Variants in MAP4K3 observed in about 807,000 individuals in gnomAD.
The protein encoded by MAP4K3 is mitogen-activated protein kinase kinase kinase kinase 3, also known as MAPK/ERK kinase kinase kinase 3.
In MAP4K3, 94 loss-of-function variants were observed where a neutral mutation model predicts 143.5. That is an observed-to-expected ratio of 0.65 (90% CI 0.55 to 0.78). The LOEUF (loss-of-function observed/expected upper bound fraction) is 0.78, where lower values mean the gene tolerates loss of function less well. Ranked by LOEUF, MAP4K3 falls within the 30% of genes least tolerant of loss-of-function variation. The pLI is 0.00. For missense variants in MAP4K3, 1,077 were observed against 1,068.1 expected, an observed-to-expected ratio of 1.01 and a Z score of -0.12; for synonymous variants, 416 against 347.2, an observed-to-expected ratio of 1.20 and a Z score of -2.20.
chr2:39,335,198 T>C (rs1047828072), intron 6 of MAP4K3, among the ~76,000 whole-genome samples: 2 of 152,144 alleles, frequency 1.3e-5, no homozygotes, highest in African/African-American at 4.8e-5. Context: ...CTGGACTTTA[T>C]ACTGAGTACA....
intron 15 of MAP4K3, among the ~76,000 whole-genome samples, chr2:39,302,013 ACT>A (rs1015394956): frequency 6.6e-6 from 1 of 152,002 alleles, no homozygotes; most frequent in African/African-American, 2.4e-5. Flanking sequence ...ACAGAGAGAG[ACT>A]CTGTCTCAAA....
intron 1 of MAP4K3, among the ~76,000 whole-genome samples, chr2:39,404,161 T>C (rs1288382519): frequency 6.6e-6 from 1 of 152,066 alleles, no homozygotes; most frequent in Non-Finnish European, 1.5e-5. Context: ...CCAGTTGTGG[T>C]AGCTACAGTG....
chr2:39,282,897 T>C (rs1347426527), intron 21 of MAP4K3, among the ~76,000 whole-genome samples: 3 of 152,234 alleles, frequency 2.0e-5, no homozygotes, highest in Non-Finnish European at 2.9e-5. Flanking sequence ...AAAACACAAA[T>C]AGTTATACAC....
At position 39,437,093 on chromosome 2, in the gene MAP4K3, G is replaced by A. The variant is rs576232764; in HGVS notation, c.-106C>T. On this transcript the variant is annotated 5_prime_UTR_variant, in exon 1 of 34. Transcript: ENST00000263881. ...GCGGCCGGCTCCCGGCTCCCCCGGCGGTCACAATCACCCGGCTCCACGCTG... is the reference window on the plus strand; with the variant it reads ...GCGGCCGGCTCCCGGCTCCCCCGGCAGTCACAATCACCCGGCTCCACGCTG... The A allele has an allele frequency of 5.2e-6, 4 of 775,812 alleles. No homozygotes were observed. In the South Asian group the frequency reaches 6.0e-5, roughly 12 times the overall value. 48.1% of individuals were successfully genotyped at this position (775,812 alleles called of 1,614,324 possible). A position where few individuals can be genotyped will look rare whatever the true frequency, so the allele number is the denominator to read the frequency against.
At chr2:39,411,846 G>A (rs748772213) in intron 1 of MAP4K3, among the ~76,000 whole-genome samples, 5 of 152,298 alleles carry the variant, frequency 3.3e-5, no homozygotes, top group Admixed American at 6.5e-5. Context: ...TATCTACATG[G>A]TGACTAAATC....
Position 39,250,424 on chromosome 2 carries a change from C to A in MAP4K3, c.*194G>T. 1 of 512,578 alleles carries A rather than the reference C, an allele frequency of 2.0e-6. No individual in the cohort carries two copies. Among genetic ancestry groups the A allele is most frequent in the Non-Finnish European group, 3.5e-6 (1 of 288,394 alleles). 31.8% of individuals were successfully genotyped at this position (512,578 alleles called of 1,614,324 possible). Reference sequence around the variant, plus strand: ...AGATTACATAACAATGAATTAAGCACTTGTGTGGTTCAATATGCTAAATAT... The same window carrying A: ...AGATTACATAACAATGAATTAAGCAATTGTGTGGTTCAATATGCTAAATAT... On this transcript the variant is annotated 3_prime_UTR_variant, in exon 34 of 34. Coordinates refer to ENST00000263881, the MANE Select transcript of MAP4K3 (RefSeq NM_003618.4).
At chr2:39,350,913 C>T (rs1417368097) in intron 3 of MAP4K3, among the ~76,000 whole-genome samples, 2 of 151,904 alleles carry the variant, frequency 1.3e-5, no homozygotes, top group African/African-American at 4.8e-5. Context: ...TTCAACCAAT[C>T]GCAGGTTCAC....
chr2:39,427,853 A>G (rs1665143754), intron 1 of MAP4K3, among the ~76,000 whole-genome samples: 2 of 152,220 alleles, frequency 1.3e-5, no homozygotes, highest in African/African-American at 4.8e-5. Context: ...TCTGTATCTT[A>G]TATATGTGAA....
chr2:39,397,696 C>A (rs980296506), intron 1 of MAP4K3, among the ~76,000 whole-genome samples: 1 of 152,088 alleles, frequency 6.6e-6, no homozygotes, highest in African/African-American at 2.4e-5. Context: ...GAAAACAGCT[C>A]TAACAATATA....
chr2:39,299,131 T>C (rs974841385), intron 16 of MAP4K3, among the ~76,000 whole-genome samples: 1 of 152,202 alleles, frequency 6.6e-6, no homozygotes, highest in Non-Finnish European at 1.5e-5. Flanking sequence ...AGCAAAATTC[T>C]GTCTCCCATC....
intron 3 of MAP4K3, among the ~76,000 whole-genome samples, chr2:39,348,596 G>A (rs1665364135): frequency 6.6e-6 from 1 of 151,988 alleles, no homozygotes; most frequent in South Asian, 2.1e-4. Flanking sequence ...ATTTTATGCA[G>A]GTCAATTATA....
intron 1 of MAP4K3, among the ~76,000 whole-genome samples, chr2:39,414,542 T>C (rs2148620833): frequency 6.6e-6 from 1 of 152,292 alleles, no homozygotes; most frequent in South Asian, 2.1e-4. Flanking sequence ...CTCTTTCTTC[T>C]ACTCTGTCTG....
intron 1 of MAP4K3, among the ~76,000 whole-genome samples, chr2:39,408,088 A>G (rs1189696794): frequency 6.6e-6 from 1 of 152,174 alleles, no homozygotes; most frequent in East Asian, 1.9e-4. Context: ...GGAAAAAATA[A>G]ACACCAGCTG....
chr2:39,359,725 A>G (rs7608153), intron 2 of MAP4K3, among the ~76,000 whole-genome samples: 134,762 of 152,308 alleles, frequency 0.88, 59,822 homozygotes, highest in Non-Finnish European at 0.92. Flanking sequence ...TGCACCTGTG[A>G]GCTCAATACC....
intron 1 of MAP4K3, among the ~76,000 whole-genome samples, chr2:39,414,767 C>A (rs1377910701): frequency 6.6e-6 from 1 of 151,780 alleles, no homozygotes; most frequent in East Asian, 1.9e-4. Context: ...CCCAGCTACT[C>A]GGGGGGTGCT....
chr2:39,424,664 T>C (rs751270453), intron 1 of MAP4K3, among the ~76,000 whole-genome samples: 4 of 151,668 alleles, frequency 2.6e-5, no homozygotes, highest in Non-Finnish European at 4.4e-5. Flanking sequence ...ACCTTGTCTA[T>C]ACAAAAAATA....
intron 11 of MAP4K3, 24 bp downstream of exon 11, chr2:39,325,706 T>TA (rs1190274454): frequency 6.3e-7 from 1 of 1,578,442 alleles, no homozygotes; most frequent in East Asian, 2.2e-5. Flanking sequence ...AATATATATA[T>TA]ATATTTCAGG....
intron 8 of MAP4K3, among the ~76,000 whole-genome samples, chr2:39,328,096 C>T (rs1022799551): frequency 5.9e-5 from 9 of 152,166 alleles, no homozygotes; most frequent in East Asian, 1.9e-4. Context: ...TTTGGGAGGC[C>T]GAGGCAGGTG....
At chr2:39,425,457 T>C (rs1342925671) in intron 1 of MAP4K3, among the ~76,000 whole-genome samples, 1 of 152,124 alleles carries the variant, frequency 6.6e-6, no homozygotes, top group Non-Finnish European at 1.5e-5. Context: ...TGGCAGCATC[T>C]GGAGATGGGG....
Sources: gnomAD v4.1 joint callset for allele counts (sites outside exome capture counted in the v4.1 genomes callset) on GRCh38, gnomAD v4.1.1 for gene constraint, MANE v1.5 for transcripts, NCBI Gene and HGNC (gene_info 2026-07-23, HGNC 2026-07-21) for gene names.